CHST7: variants seen among roughly 807,000 people sequenced by gnomAD.
The protein encoded by CHST7 is carbohydrate sulfotransferase 7, also known as N-acetylglucosamine 6-O-sulfotransferase 4.
A neutral mutation model predicts 9.0 loss-of-function variants in CHST7; 5 were observed. The observed-to-expected ratio is 0.56, with a 90% CI of 0.29 to 1.17. The LOEUF (loss-of-function observed/expected upper bound fraction) is 1.17. CHST7 is among the 50% of genes most tolerant of loss of function. The pLI, the probability that CHST7 is intolerant of heterozygous loss-of-function variation, is 0.08. For synonymous variants in CHST7, 244 were observed against 237.1 expected (o/e 1.03, Z -0.27); for missense variants, 377 against 485.1 (o/e 0.78, Z 2.09).
intron 1 of CHST7, among the ~76,000 whole-genome samples, chrX:46,592,789 G>T (rs1034950966): frequency 9.6e-6 from 1 of 104,544 alleles, no homozygotes; most frequent in African/African-American, 3.5e-5. Context: ...CTTGTTTTGG[G>T]TTTTTTTAAT....
chrX:46,584,106 C>T (rs992155680), intron 1 of CHST7, among the ~76,000 whole-genome samples: 1 of 112,142 alleles, frequency 8.9e-6, no homozygotes, highest in Non-Finnish European at 1.9e-5. Flanking sequence ...TCAATGATGA[C>T]TATATTCTGT....
At chrX:46,583,297 A>G (rs1028945178) in intron 1 of CHST7, among the ~76,000 whole-genome samples, 2 of 112,428 alleles carry the variant, frequency 1.8e-5, no homozygotes, top group Admixed American at 9.4e-5. Context: ...GCAGTATAAA[A>G]TAAGAATAGT....
intron 1 of CHST7, among the ~76,000 whole-genome samples, chrX:46,585,826 ACCTGTGCCT>A (rs1942546906): frequency 9.0e-6 from 1 of 111,590 alleles, no homozygotes; most frequent in Admixed American, 9.5e-5. Context: ...GCTCAATGCA[ACCTGTGCCT>A]CCTGAGTTCG....
chrX:46,575,626 G>A, intron 1 of CHST7, among the ~76,000 whole-genome samples: 1 of 112,409 alleles, frequency 8.9e-6, no homozygotes, highest in Non-Finnish European at 1.9e-5. Context: ...TCCTTAGAGG[G>A]AGATCCTGAG....
chrX:46,594,677 T>C (rs1442363308), intron 1 of CHST7, among the ~76,000 whole-genome samples: 1 of 111,955 alleles, frequency 8.9e-6, no homozygotes, highest in Non-Finnish European at 1.9e-5. Context: ...CATTTCTCTC[T>C]AGTTGCCTTC....
intron 1 of CHST7, among the ~76,000 whole-genome samples, chrX:46,585,686 CA>C (rs1200579786): frequency 1.8e-5 from 2 of 112,482 alleles, no homozygotes; most frequent in Non-Finnish European, 3.8e-5. Context: ...CAAAGAATAA[CA>C]AAATTCCTAA....
At chrX:46,588,970 C>T (rs1246454168) in intron 1 of CHST7, among the ~76,000 whole-genome samples, 4 of 111,575 alleles carry the variant, frequency 3.6e-5, no homozygotes, top group Non-Finnish European at 7.5e-5. Flanking sequence ...ACAGAAGGGT[C>T]TATGATTGTT....
chrX:46,581,366 AC>A (rs1569491395), intron 1 of CHST7, among the ~76,000 whole-genome samples: 7 of 106,392 alleles, frequency 6.6e-5, no homozygotes, highest in Non-Finnish European at 1.2e-4. Flanking sequence ...GACCAGCCTG[AC>A]CAACATGGTG....
At chrX:46,581,945 C>T (rs1025025894) in intron 1 of CHST7, among the ~76,000 whole-genome samples, 2 of 111,999 alleles carry the variant, frequency 1.8e-5, no homozygotes, top group Non-Finnish European at 3.8e-5. Flanking sequence ...GCCAGTCTCA[C>T]TTCCTAGAAG....
chrX:46,584,535 CAAAAA>C (rs397777408), intron 1 of CHST7, among the ~76,000 whole-genome samples: 1 of 52,756 alleles, frequency 1.9e-5, no homozygotes, highest in African/African-American at 8.7e-5. Flanking sequence ...GAAACTGTCT[CAAAAA>C]AAAAAAAAAA....
Position 46,574,319 on chromosome X carries a change from T to A in CHST7, c.388T>A (p.Leu130Met), listed in dbSNP as rs373483256. 8.3e-7 allele frequency: 1 copy of A among 1,211,047 alleles called. No homozygotes were observed. The highest frequency in any genetic ancestry group is 1.8e-5 in the South Asian group (1 of 56,953). ...LFNQHPDVFY[L>M]YEPMWHLWQA... Reference sequence around the variant, plus strand: ...TAACCAGCACCCGGACGTTTTCTACTTGTATGAGCCCATGTGGCATCTATG... The same window carrying A: ...TAACCAGCACCCGGACGTTTTCTACATGTATGAGCCCATGTGGCATCTATG... Residue 130 changes from leucine (L) to methionine (M), a missense_variant, in exon 1 of 2, where the codon TTG becomes ATG. This residue lies in a region of CHST7 where 239 missense variants were observed against 325.7 expected (regional missense o/e 0.73). Coordinates refer to ENST00000276055, the MANE Select transcript of CHST7 (RefSeq NM_019886.4).
At chrX:46,592,462 G>C (rs759260193) in intron 1 of CHST7, among the ~76,000 whole-genome samples, 4 of 112,002 alleles carry the variant, frequency 3.6e-5, no homozygotes, top group African/African-American at 6.5e-5. Flanking sequence ...TTCTGGGTTC[G>C]AGCAATTCTC....
intron 1 of CHST7, among the ~76,000 whole-genome samples, chrX:46,578,072 G>A (rs1242604282): frequency 3.6e-5 from 4 of 110,404 alleles, no homozygotes; most frequent in Non-Finnish European, 7.6e-5. Context: ...CCTGAACCAA[G>A]TCACCAAGGA....
At chrX:46,596,558 T>C (rs773658169) in intron 1 of CHST7, among the ~76,000 whole-genome samples, 2 of 111,944 alleles carry the variant, frequency 1.8e-5, no homozygotes, top group African/African-American at 6.5e-5. Flanking sequence ...CTTATCTGCC[T>C]CCTTCTTTGG....
rs1244338654 is a variant in CHST7 at position 46,574,634 on chromosome X, C to T, written c.703C>T (p.Arg235Cys). 3 of 1,207,882 alleles carry T rather than the reference C, an allele frequency of 2.5e-6. No homozygotes were observed. Among genetic ancestry groups the T allele is most frequent in the Non-Finnish European group, 2.2e-6 (2 of 893,699 alleles). Residue 235 changes from arginine to cysteine, a missense_variant, in exon 1 of 2, where the codon CGC becomes TGC. Arg to Cys is a radical substitution (Grantham distance 180). This residue lies in a region of CHST7 where 239 missense variants were observed against 325.7 expected (regional missense o/e 0.73). Transcript: ENST00000276055. Reference protein sequence around the residue: ...CERSCPPVAIRALEAECRKYP... With the variant: ...CERSCPPVAICALEAECRKYP... ...GCGCAGCTGCCCACCCGTGGCGATA[C>T]GCGCCCTGGAGGCCGAGTGCCGAAA...
chrX:46,595,044 G>A (rs1187143351), intron 1 of CHST7, among the ~76,000 whole-genome samples: 1 of 112,008 alleles, frequency 8.9e-6, no homozygotes, highest in Non-Finnish European at 1.9e-5. Context: ...CCCATCCAGT[G>A]AGTTTTTCAA....
chrX:46,597,040 A>T, intron 1 of CHST7, among the ~76,000 whole-genome samples: 1 of 112,029 alleles, frequency 8.9e-6, no homozygotes, highest in Non-Finnish European at 1.9e-5. Flanking sequence ...GCACATTTTA[A>T]ATCATCTTGA....
intron 1 of CHST7, among the ~76,000 whole-genome samples, chrX:46,584,459 C>T (rs769846114): frequency 6.9e-5 from 7 of 102,015 alleles, no homozygotes; most frequent in Non-Finnish European, 9.7e-5. Context: ...ATCACTTAAA[C>T]CCGGGAGGCG....
In CHST7 at chrX:46,581,590, G is replaced by C. The variant is rs375015125; in HGVS notation, c.*31+6167G>C. On this transcript the variant is annotated intron_variant, in intron 1 of 1. Coordinates refer to ENST00000276055, the MANE Select transcript of CHST7 (RefSeq NM_019886.4). Reference sequence around the variant, plus strand: ...AATTGTAGAAATAACATAAGCATGTGGTAAAAATAGAAATTTTTTTTTGAG... The same window carrying C: ...AATTGTAGAAATAACATAAGCATGTCGTAAAAATAGAAATTTTTTTTTGAG... 1.3e-4 allele frequency among the ~76,000 whole-genome samples: 9 copies of C among 67,801 alleles called. No individual in the cohort carries two copies. In the East Asian group the frequency reaches 2.2e-3, roughly 16 times the overall value. The allele number at this position is 67,801 out of a possible 115,157, so 58.9% of individuals were successfully genotyped here.
Sources: allele counts gnomAD v4.1 joint callset (sites outside exome capture counted in the v4.1 genomes callset), GRCh38; gene constraint gnomAD v4.1.1; regional missense constraint gnomAD v4.1.1; transcripts MANE v1.5; gene names NCBI Gene and HGNC (gene_info 2026-07-23, HGNC 2026-07-21).